Variants in RPTOR observed in about 807,000 individuals in gnomAD.
RPTOR encodes regulatory-associated protein of mTOR.
A neutral mutation model predicts 169.9 loss-of-function variants in RPTOR; 21 were observed. The ratio of observed to expected loss-of-function variants is 0.12; its 90% CI spans 0.09 to 0.18. RPTOR has a LOEUF of 0.18. Ranked by LOEUF, RPTOR falls within the 10% of genes least tolerant of loss-of-function variation. The pLI, the probability that RPTOR is intolerant of heterozygous loss-of-function variation, is 1.00. For missense variants in RPTOR, 1,133 were observed against 1,855.9 expected, an observed-to-expected ratio of 0.61 and a Z score of 7.16; for synonymous variants, 732 against 753.2, an observed-to-expected ratio of 0.97 and a Z score of 0.46.
rs369263625 is a variant in RPTOR at position 80,787,015 on chromosome 17, TTGA to T, written c.831-4428_831-4426del. On this transcript the variant is annotated intron_variant, in intron 6 of 33. Coordinates refer to ENST00000306801, the MANE Select transcript of RPTOR (RefSeq NM_020761.3). ...CCACCACCCAACCAAAACCCAGCCC[TTGA>T]TGATGACCTGCGCCCACCACGCAGG... Among the ~76,000 whole-genome samples the T allele has an allele frequency of 2.8e-4, 43 of 152,290 alleles. No individual in the cohort carries two copies. In the South Asian group the frequency reaches 5.0e-3, roughly 18 times the overall value.
At chr17:80,958,858 T>C (rs1261308993) in intron 29 of RPTOR, among the ~76,000 whole-genome samples, 2 of 152,162 alleles carry the variant, frequency 1.3e-5, no homozygotes, top group South Asian at 2.1e-4. Flanking sequence ...TTGACTTCAT[T>C]TGGAGCAGAG....
At chr17:80,961,647 G>A in intron 31 of RPTOR, 167 bp downstream of exon 31, 3 of 769,502 alleles carry the variant, frequency 3.9e-6, no homozygotes, top group Admixed American at 3.0e-5. Flanking sequence ...GCCCGTAGGG[G>A]CCCAGGGGCC....
At chr17:80,564,958 G>A (rs2084560796) in intron 1 of RPTOR, among the ~76,000 whole-genome samples, 1 of 152,092 alleles carries the variant, frequency 6.6e-6, no homozygotes. Context: ...TAGCCTATAT[G>A]CACCACCTTT....
At chr17:80,963,356 G>C (rs1453196766) in intron 33 of RPTOR, among the ~76,000 whole-genome samples, 1 of 152,026 alleles carries the variant, frequency 6.6e-6, no homozygotes, top group Non-Finnish European at 1.5e-5. Flanking sequence ...ACCTCCAGGA[G>C]AGTCGCTCGG....
chr17:80,833,159 A>T (rs542234739), intron 9 of RPTOR, among the ~76,000 whole-genome samples: 60 of 152,172 alleles, frequency 3.9e-4, no homozygotes, highest in African/African-American at 1.4e-3. Context: ...GCGGACTTGG[A>T]CTTGGACGGT....
intron 3 of RPTOR, among the ~76,000 whole-genome samples, chr17:80,655,671 C>T (rs2065674246): frequency 6.6e-6 from 1 of 150,988 alleles, no homozygotes; most frequent in Admixed American, 6.6e-5. Flanking sequence ...AATTCCTGGG[C>T]TGAAGTGATC....
At chr17:80,938,471 G>A (rs9911223) in intron 24 of RPTOR, among the ~76,000 whole-genome samples, 42,957 of 152,044 alleles carry the variant, frequency 0.28, 6,428 homozygotes, top group Middle Eastern at 0.36. Context: ...TTTCCACCGC[G>A]GGTTTTTTCT....
chr17:80,912,724 G>A (rs904734172), intron 21 of RPTOR, among the ~76,000 whole-genome samples: 9 of 152,152 alleles, frequency 5.9e-5, no homozygotes, highest in Non-Finnish European at 1.2e-4. Context: ...CCACGGTAAG[G>A]CAGTTAAGCA....
At chr17:80,693,352 G>T (rs1234047215) in intron 3 of RPTOR, among the ~76,000 whole-genome samples, 2 of 152,252 alleles carry the variant, frequency 1.3e-5, no homozygotes, top group African/African-American at 4.8e-5. Flanking sequence ...AGCGGAGATG[G>T]TGTTTCTCGG....
chr17:80,899,567 A>G (rs1211650911), intron 20 of RPTOR, among the ~76,000 whole-genome samples: 4 of 152,250 alleles, frequency 2.6e-5, no homozygotes, highest in Non-Finnish European at 5.9e-5. Flanking sequence ...GGTCAAGGTG[A>G]TAGCTCCCTT....
At chr17:80,753,984 C>G in intron 5 of RPTOR, 26 bp from the exon 6 acceptor site, 1 of 1,601,160 alleles carries the variant, frequency 6.2e-7, no homozygotes, top group Non-Finnish European at 8.5e-7. Flanking sequence ...ATCACACTCT[C>G]TTTTCCCGAA....
chr17:80,927,643 T>G (rs36171362), intron 24 of RPTOR, among the ~76,000 whole-genome samples: 50,978 of 150,248 alleles, frequency 0.34, 8,808 homozygotes, highest in East Asian at 0.48. Flanking sequence ...TCTCTATGTG[T>G]GTGTGTGTAT....
At chr17:80,875,309 T>A (rs2068094757) in intron 13 of RPTOR, among the ~76,000 whole-genome samples, 1 of 152,262 alleles carries the variant, frequency 6.6e-6, no homozygotes, top group South Asian at 2.1e-4. Context: ...GCAAACCACA[T>A]CTTTAGTTGC....
intron 1 of RPTOR, among the ~76,000 whole-genome samples, chr17:80,551,881 C>T (rs368241014): frequency 0.061 from 9,322 of 152,198 alleles, 369 homozygotes; most frequent in Middle Eastern, 0.11. Flanking sequence ...TGTGGCCTTC[C>T]GCAGTGTTTG....
intron 3 of RPTOR, among the ~76,000 whole-genome samples, chr17:80,689,277 C>G (rs1271909868): frequency 6.6e-6 from 1 of 152,216 alleles, no homozygotes; most frequent in Non-Finnish European, 1.5e-5. Flanking sequence ...GAGGTTGCAT[C>G]TGCATCTTGG....
At chr17:80,856,727 T>C (rs2067856544) in intron 12 of RPTOR, among the ~76,000 whole-genome samples, 1 of 152,192 alleles carries the variant, frequency 6.6e-6, no homozygotes, top group Non-Finnish European at 1.5e-5. Flanking sequence ...GCGTGCACTC[T>C]AAGAAGACAG....
intron 24 of RPTOR, among the ~76,000 whole-genome samples, chr17:80,932,877 T>C (rs1283458463): frequency 6.6e-6 from 1 of 152,018 alleles, no homozygotes; most frequent in Non-Finnish European, 1.5e-5. Flanking sequence ...AAACCAAAGA[T>C]AAAGAGAAAA....
At chr17:80,706,669 A>G (rs2066144564) in intron 3 of RPTOR, among the ~76,000 whole-genome samples, 1 of 152,206 alleles carries the variant, frequency 6.6e-6, no homozygotes, top group South Asian at 2.1e-4. Context: ...GTGTCTGGCA[A>G]GGCCAGGTTG....
chr17:80,903,788 G>T (rs1184682594), intron 20 of RPTOR, among the ~76,000 whole-genome samples: 1 of 152,180 alleles, frequency 6.6e-6, no homozygotes, highest in Admixed American at 6.5e-5. Flanking sequence ...GGCAGAGAAG[G>T]TATTGGTTTC....
Sources: gnomAD v4.1 joint callset for allele counts (sites outside exome capture counted in the v4.1 genomes callset) on GRCh38, gnomAD v4.1.1 for gene constraint, MANE v1.5 for transcripts, NCBI Gene and HGNC (gene_info 2026-07-23, HGNC 2026-07-21) for gene names.